CECR2: variants seen among roughly 807,000 people sequenced by gnomAD.
The protein encoded by CECR2 is CECR2 histone acetyl-lysine reader, also known as chromatin remodeling regulator CECR2.
A neutral mutation model predicts 154.5 loss-of-function variants in CECR2; 30 were observed. That is an observed-to-expected ratio of 0.19 (90% CI 0.15 to 0.26). The LOEUF is 0.26. CECR2 is among the 10% of genes least tolerant of loss of function. CECR2 has a pLI of 1.00. For synonymous variants in CECR2, 725 were observed against 683.7 expected, an observed-to-expected ratio of 1.06 and a Z score of -0.94; for missense variants, 1,743 against 1,829.3, an observed-to-expected ratio of 0.95 and a Z score of 0.86.
intron 1 of CECR2, among the ~76,000 whole-genome samples, chr22:17,397,430 C>T (rs928430896): frequency 1.3e-5 from 2 of 152,082 alleles, no homozygotes; most frequent in Admixed American, 1.3e-4. Flanking sequence ...CTGCATCCAG[C>T]CTTGAGCTTT....
intron 16 of CECR2, among the ~76,000 whole-genome samples, chr22:17,544,371 G>A (rs566655944): frequency 4.6e-5 from 7 of 151,808 alleles, no homozygotes; most frequent in Admixed American, 6.6e-5. Flanking sequence ...GGTGGCAGGC[G>A]CCTGTAGTCC....
chr22:17,440,788 A>C (rs5747137), intron 1 of CECR2, among the ~76,000 whole-genome samples: 19,064 of 152,172 alleles, frequency 0.13, 1,373 homozygotes, highest in South Asian at 0.25. Flanking sequence ...CTTTCTCAAC[A>C]TGATGATTAT....
chr22:17,445,028 TA>T (rs2146678072), intron 1 of CECR2, among the ~76,000 whole-genome samples: 1 of 152,374 alleles, frequency 6.6e-6, no homozygotes, highest in African/African-American at 2.4e-5. Context: ...GCTATAATTT[TA>T]TTTTTCTCTT....
intron 17 of CECR2, among the ~76,000 whole-genome samples, chr22:17,549,998 A>G (rs2146148600): frequency 6.6e-6 from 1 of 151,910 alleles, no homozygotes; most frequent in Non-Finnish European, 1.5e-5. Flanking sequence ...AACAAAAAAA[A>G]TATGTGAATT....
At chr22:17,455,741 C>T (rs1002850052) in intron 1 of CECR2, among the ~76,000 whole-genome samples, 10 of 152,142 alleles carry the variant, frequency 6.6e-5, no homozygotes, top group African/African-American at 2.2e-4. Context: ...GCTTTCCCCT[C>T]GGGAAACTAC....
chr22:17,539,256 C>G (rs937603346), intron 13 of CECR2, 137 bp downstream of exon 13: 2 of 924,234 alleles, frequency 2.2e-6, no homozygotes, highest in Non-Finnish European at 3.2e-6. Context: ...TGGGATTGAC[C>G]ATTCCAGCCA....
chr22:17,431,394 G>A (rs1043818115), intron 1 of CECR2, among the ~76,000 whole-genome samples: 17 of 152,210 alleles, frequency 1.1e-4, no homozygotes, highest in Admixed American at 3.9e-4. Flanking sequence ...ATGAGTCATA[G>A]TGCCTGACAC....
chr22:17,546,613 G>C (rs948917336), intron 16 of CECR2, among the ~76,000 whole-genome samples: 5 of 152,072 alleles, frequency 3.3e-5, no homozygotes, highest in Non-Finnish European at 7.4e-5. Flanking sequence ...TTTAGGGCCA[G>C]CTTCAAGTAG....
intron 1 of CECR2, among the ~76,000 whole-genome samples, chr22:17,371,221 T>C (rs2063056769): frequency 6.6e-6 from 1 of 152,040 alleles, no homozygotes; most frequent in African/African-American, 2.4e-5. Context: ...ATCAGGAAAA[T>C]AAAAAGATCA....
chr22:17,402,725 TTTTCTTTTCTTTCTTTC>T (rs1288486957), intron 1 of CECR2, among the ~76,000 whole-genome samples: 2 of 151,760 alleles, frequency 1.3e-5, no homozygotes, highest in Non-Finnish European at 2.9e-5. Flanking sequence ...TTTCCCAATC[TTTTCTTTTCTTTCTTTC>T]TTTCTTTTCT....
intron 9 of CECR2, among the ~76,000 whole-genome samples, chr22:17,529,254 G>A (rs1208069880): frequency 6.6e-6 from 1 of 152,150 alleles, no homozygotes; most frequent in Non-Finnish European, 1.5e-5. Flanking sequence ...GCAGCGGAGG[G>A]GAGCAAAGCA....
chr22:17,429,745 CTTA>C (rs575605124), intron 1 of CECR2, among the ~76,000 whole-genome samples: 1 of 151,952 alleles, frequency 6.6e-6, no homozygotes, highest in Non-Finnish European at 1.5e-5. Context: ...GAGATTACAG[CTTA>C]TTATAAGGAA....
Position 17,474,608 on chromosome 22 carries a change from G to A in CECR2, c.127-2980G>A, listed in dbSNP as rs140225090. On this transcript the variant is annotated intron_variant, in intron 1 of 18. Coordinates refer to ENST00000262608, the MANE Select transcript of CECR2 (RefSeq NM_001290047.2). ...GGATAGTATTCTAGCTAGAACCTAG[G>A]CAGCGCTGGTGAAAATGGCCATGAT... is the stretch of plus-strand genomic sequence containing the variant. Among the ~76,000 whole-genome samples the A allele has an allele frequency of 8.4e-3, 1,286 of 152,352 alleles. 11 individuals carry two copies. The highest frequency in any genetic ancestry group is 0.013 in the Non-Finnish European group (868 of 68,036).
intron 7 of CECR2, among the ~76,000 whole-genome samples, chr22:17,511,556 G>GT (rs995536694): frequency 1.3e-5 from 2 of 151,178 alleles, no homozygotes; most frequent in East Asian, 1.9e-4. Context: ...TGTTAAGGGA[G>GT]TTTTTTGCCA....
chr22:17,477,501 C>A, intron 1 of CECR2, 87 bp from the exon 2 acceptor site: 1 of 888,582 alleles, frequency 1.1e-6, no homozygotes, highest in Non-Finnish European at 1.8e-6. Context: ...CCATTCAGTT[C>A]TTGGGGCTTG....
At chr22:17,493,246 A>G (rs1020903638) in intron 2 of CECR2, among the ~76,000 whole-genome samples, 9 of 152,174 alleles carry the variant, frequency 5.9e-5, no homozygotes, top group African/African-American at 2.2e-4. Context: ...TGCTGGGATT[A>G]CCGGCGTGAG....
intron 14 of CECR2, among the ~76,000 whole-genome samples, 190 bp from the exon 15 acceptor site, chr22:17,541,649 A>G (rs2056523850): frequency 6.6e-6 from 1 of 152,184 alleles, no homozygotes; most frequent in Admixed American, 6.6e-5. Context: ...TGGAGAGGGA[A>G]GTTGCTTCAG....
intron 1 of CECR2, among the ~76,000 whole-genome samples, chr22:17,371,790 T>C (rs188394899): frequency 7.2e-5 from 11 of 152,342 alleles, no homozygotes; most frequent in African/African-American, 2.6e-4. Flanking sequence ...TGGAAAAACT[T>C]TATGTCTCAA....
At chr22:17,463,393 CAG>C (rs963004409) in intron 1 of CECR2, among the ~76,000 whole-genome samples, 1 of 152,094 alleles carries the variant, frequency 6.6e-6, no homozygotes, top group African/African-American at 2.4e-5. Context: ...GAGGAGCAGA[CAG>C]AGAGAAGCAG....
Sources: allele counts gnomAD v4.1 joint callset (sites outside exome capture counted in the v4.1 genomes callset), GRCh38; gene constraint gnomAD v4.1.1; transcripts MANE v1.5; gene names NCBI Gene and HGNC (gene_info 2026-07-23, HGNC 2026-07-21).